NIFK: variants seen among roughly 807,000 people sequenced by gnomAD.
NIFK encodes MKI67 FHA domain-interacting nucleolar phosphoprotein.
NIFK carries 16 observed loss-of-function variants against 31.7 expected under a neutral mutation model. The observed-to-expected ratio is 0.50, with a 90% CI of 0.34 to 0.77. The LOEUF is 0.77. NIFK is among the 30% of genes least tolerant of loss of function. The pLI is 0.01. For missense variants in NIFK, 341 were observed against 350.4 expected, an observed-to-expected ratio of 0.97 and a Z score of 0.21; for synonymous variants, 126 against 123.0, an observed-to-expected ratio of 1.02 and a Z score of -0.16.
intron 1 of NIFK, 200 bp from the exon 2 acceptor site, chr2:121,735,950 C>A: frequency 1.8e-6 from 1 of 563,744 alleles, no homozygotes; most frequent in Non-Finnish European, 3.1e-6. Context: ...CCTGGCATCC[C>A]AGCACCCAGT....
intron 3 of NIFK, 68 bp from the exon 4 acceptor site, chr2:121,731,172 C>G (rs2074536510): frequency 6.0e-6 from 5 of 833,978 alleles, no homozygotes; most frequent in South Asian, 5.2e-5. Flanking sequence ...CAGTGCCATT[C>G]CTCACACAAC....
At chr2:121,730,694 A>G (rs548649312) in intron 4 of NIFK, 199 bp downstream of exon 4, 11 of 559,272 alleles carry the variant, frequency 2.0e-5, no homozygotes, top group Non-Finnish European at 3.2e-5. Flanking sequence ...AAATACAAAA[A>G]TTAGCCAGAC....
Position 121,727,143 on chromosome 2 carries a change from G to A in NIFK, c.*581C>T, listed in dbSNP as rs1016379764. On this transcript the variant is annotated 3_prime_UTR_variant, in exon 7 of 7. Coordinates refer to ENST00000285814, the MANE Select transcript of NIFK (RefSeq NM_032390.5). ...TATAAAATGGTGGTTATTAATTCAT[G>A]CTAGCACAACCAAAACTAATTTAAC... is the stretch of plus-strand genomic sequence containing the variant. 2.1e-5 allele frequency: 5 copies of A among 240,210 alleles called. No homozygotes were observed. The highest frequency in any genetic ancestry group is 3.4e-5 in the Non-Finnish European group (4 of 118,936). The allele number at this position is 240,210 out of a possible 1,614,324, so 14.9% of individuals were successfully genotyped here.
chr2:121,728,905 T>A (rs1160294109), intron 4 of NIFK, among the ~76,000 whole-genome samples: 1 of 152,104 alleles, frequency 6.6e-6, no homozygotes, highest in East Asian at 1.9e-4. Flanking sequence ...AGTTTCACTG[T>A]CTCAGTTCCC....
chr2:121,729,377 A>G (rs1288457908), intron 4 of NIFK, among the ~76,000 whole-genome samples: 1 of 151,676 alleles, frequency 6.6e-6, no homozygotes, highest in Non-Finnish European at 1.5e-5. Flanking sequence ...CAAAAAAAAA[A>G]AAAAAAAAGA....
At chr2:121,728,081 A>G in intron 6 of NIFK, 169 bp from the exon 7 acceptor site, 3 of 732,482 alleles carry the variant, frequency 4.1e-6, no homozygotes, top group Non-Finnish European at 4.3e-6. Context: ...GATGCTTATC[A>G]AACTTGGTAC....
chr2:121,730,857 A>G, intron 4 of NIFK, 36 bp downstream of exon 4: 1 of 1,509,744 alleles, frequency 6.6e-7, no homozygotes, highest in Non-Finnish European at 9.2e-7. Context: ...TCCCCTCCCC[A>G]CAACAAACCA....
rs1385597160 is a variant in NIFK at position 121,736,797 on chromosome 2, T to A, written c.54A>T (p.Glu18Asp). Residue 18 changes from glutamate (E) to aspartate (D), a missense_variant, in exon 1 of 7, where the codon GAA becomes GAT. By Grantham distance (45) the Glu-to-Asp change is conservative. Transcript: ENST00000285814. ...CCACCTCCTTTTGAAACTCGACATC[T>A]TCCTGCGGATTAAGCGACAGGATTG... ...AGPILSLNPQ[E>D]DVEFQKEVAQ... is the part of the protein sequence containing the mutation. 2 of 1,614,156 alleles carry A rather than the reference T, an allele frequency of 1.2e-6. No individual in the cohort carries two copies. Among genetic ancestry groups the A allele is most frequent in the South Asian group, 1.1e-5 (1 of 91,086 alleles).
Position 121,735,704 on chromosome 2 carries a change from T to C in NIFK, c.152A>G (p.His51Arg), listed in dbSNP as rs747866985. ...QLTPGVVYVRHLPNLLDETQI... is the reference protein window; with the variant it reads ...QLTPGVVYVRRLPNLLDETQI... The stretch of plus-strand genomic sequence containing the variant: ...GGTTTCGTCAAGTAGGTTAGGTAGG[T>C]GGCGCACATAGACTACTCCAGGAGT... Residue 51 changes from histidine (H) to arginine (R), a missense_variant, in exon 2 of 7, where the codon CAC becomes CGC. By Grantham distance (29) the His-to-Arg change is conservative. Coordinates refer to ENST00000285814, the MANE Select transcript of NIFK (RefSeq NM_032390.5). 2 of 1,613,390 alleles carry C rather than the reference T, an allele frequency of 1.2e-6. No homozygotes were observed. The highest frequency in any genetic ancestry group is 1.1e-5 in the South Asian group (1 of 91,070).
chr2:121,732,291 GTATATTA>G, intron 2 of NIFK, 87 bp from the exon 3 acceptor site: 1 of 767,366 alleles, frequency 1.3e-6, no homozygotes, highest in Non-Finnish European at 2.3e-6. Flanking sequence ...TTTAAATAAT[GTATATTA>G]GCCCCTTATC....
rs2074498041 is a variant in NIFK, at chr2:121,727,332, C to T, written c.*392G>A. On this transcript the variant is annotated 3_prime_UTR_variant, in exon 7 of 7. Transcript: ENST00000285814. The stretch of plus-strand genomic sequence containing the variant: ...AAGCACCTCCATGAGTTAAATGTCC[C>T]CGACAAACCATGTAGATGGACAAAC... 6.5e-6 allele frequency: 3 copies of T among 462,248 alleles called. No individual in the cohort carries two copies. Among genetic ancestry groups the T allele is most frequent in the South Asian group, 3.2e-5 (2 of 63,004 alleles). 28.6% of individuals were successfully genotyped at this position (462,248 alleles called of 1,614,324 possible).
At chr2:121,731,406 G>A (rs568858359) in intron 3 of NIFK, among the ~76,000 whole-genome samples, 40 of 152,312 alleles carry the variant, frequency 2.6e-4, no homozygotes, top group Non-Finnish European at 4.9e-4. Context: ...CCTATGGACT[G>A]CAGGGTAGGG....
chr2:121,736,384 T>C (rs2074580456), intron 1 of NIFK, among the ~76,000 whole-genome samples: 2 of 152,238 alleles, frequency 1.3e-5, no homozygotes, highest in Non-Finnish European at 2.9e-5. Flanking sequence ...CGCGGAAGCG[T>C]GACAGCTCTA....
At chr2:121,730,623 C>G (rs757704744) in intron 4 of NIFK, 3 of 385,238 alleles carry the variant, frequency 7.8e-6, no homozygotes, top group Non-Finnish European at 1.4e-5. Context: ...GTGGGTGAAT[C>G]ACCTGAGGTC....
In NIFK at chr2:121,728,269, G is replaced by A; in HGVS notation, c.693+19C>T. Reference sequence around the variant, plus strand: ...ATTTCTATAATATCTGGTGTCTGGAGTATTGAAAACCATTTTACCTGGCTA... The same window carrying A: ...ATTTCTATAATATCTGGTGTCTGGAATATTGAAAACCATTTTACCTGGCTA... On this transcript the variant is annotated intron_variant, in intron 6 of 6. Transcript: ENST00000285814. 6.7e-7 allele frequency: 1 copy of A among 1,483,546 alleles called. No homozygotes were observed. The highest frequency in any genetic ancestry group is 9.3e-7 in the Non-Finnish European group (1 of 1,074,566). The allele number at this position is 1,483,546 out of a possible 1,614,324, so 91.9% of individuals were successfully genotyped here.
chr2:121,731,184 A>G, intron 3 of NIFK, 80 bp from the exon 4 acceptor site: 2 of 747,976 alleles, frequency 2.7e-6, no homozygotes, highest in South Asian at 3.6e-5. Context: ...TCACACAACA[A>G]AATGATATGG....
At chr2:121,729,147 G>A (rs535959567) in intron 4 of NIFK, among the ~76,000 whole-genome samples, 1 of 152,088 alleles carries the variant, frequency 6.6e-6, no homozygotes, top group Non-Finnish European at 1.5e-5. Flanking sequence ...GGATCATGAG[G>A]TCAGGAGTTC....
chr2:121,731,150 T>C (rs1257181857), intron 3 of NIFK, 46 bp from the exon 4 acceptor site: 1 of 1,147,982 alleles, frequency 8.7e-7, no homozygotes, highest in Admixed American at 2.2e-5. Context: ...AATGTTAACT[T>C]TAGAATCTCC....
chr2:121,727,117 G>A lies in NIFK; in HGVS notation c.*607C>T. The A allele has an allele frequency of 4.9e-6, 1 of 202,480 alleles. No individual in the cohort carries two copies. Among genetic ancestry groups the A allele is most frequent in the South Asian group, 8.5e-5 (1 of 11,708 alleles). 12.5% of individuals were successfully genotyped at this position (202,480 alleles called of 1,614,324 possible). ...ATACAATTCTTCACTGATGATACTG[G>A]TATAAAATGGTGGTTATTAATTCAT... On this transcript the variant is annotated 3_prime_UTR_variant, in exon 7 of 7. Transcript: ENST00000285814.
Sources: allele counts gnomAD v4.1 joint callset (sites outside exome capture counted in the v4.1 genomes callset), GRCh38; gene constraint gnomAD v4.1.1; transcripts MANE v1.5; gene names NCBI Gene and HGNC (gene_info 2026-07-23, HGNC 2026-07-21).